IQSEC3: variants seen among roughly 807,000 people sequenced by gnomAD.
IQSEC3 encodes the protein IQ motif and Sec7 domain ArfGEF 3.
IQSEC3 carries 50 observed loss-of-function variants against 105.4 expected under a neutral mutation model. That is an observed-to-expected ratio of 0.47 (90% CI 0.38 to 0.60). IQSEC3 has a LOEUF of 0.60. Ranked by LOEUF, IQSEC3 falls within the 20% of genes least tolerant of loss-of-function variation. IQSEC3 has a pLI of 0.00. For synonymous variants in IQSEC3, 708 were observed against 746.0 expected (o/e 0.95, Z 0.83); for missense variants, 1,415 against 1,630.0 (o/e 0.87, Z 2.27).
chr12:120,460 T>G (rs781863112), intron 2 of IQSEC3, among the ~76,000 whole-genome samples: 4 of 152,132 alleles, frequency 2.6e-5, no homozygotes, highest in Non-Finnish European at 4.4e-5. Context: ...GTGGAGTCAC[T>G]GACGGGTTTG....
At chr12:102,543 A>G (rs989505819) in intron 2 of IQSEC3, among the ~76,000 whole-genome samples, 7 of 152,234 alleles carry the variant, frequency 4.6e-5, no homozygotes, top group African/African-American at 1.4e-4. Flanking sequence ...GATGCTGCTC[A>G]GCCCAGAGGA....
chr12:147,814 G>C (rs1177531283), intron 5 of IQSEC3: 3 of 152,206 alleles, frequency 2.0e-5, no homozygotes, highest in Admixed American at 6.5e-5. Context: ...GCACAGCTGA[G>C]AAACTGATTC....
chr12:93,818 G>C (rs1555074143), intron 1 of IQSEC3, among the ~76,000 whole-genome samples: 3 of 152,110 alleles, frequency 2.0e-5, no homozygotes, highest in African/African-American at 4.8e-5. Context: ...GGAGTTGGGG[G>C]TGAGTGACTT....
rs1555087482 is a variant in IQSEC3 at position 138,651 on chromosome 12, G to A, written c.1288G>A (p.Glu430Lys). The change falls in exon 4 of 14, where the codon GAG becomes AAG. Residue 430 changes from glutamate to lysine, a missense_variant. Glu to Lys is a moderately conservative substitution (Grantham distance 56). This residue lies in a region of IQSEC3 where 720 missense variants were observed against 633.0 expected (regional missense o/e 1.14). Coordinates refer to ENST00000538872, the MANE Select transcript of IQSEC3 (RefSeq NM_001170738.2). This position sits in a 1 kb window ranked among gnomAD's most constrained non-coding sequence, Gnocchi z 7.1. ...CCTCAAGACCATGTGCTCCCTGCGG[G>A]AGAGTGGCGCTTACCAGCTCCACCA... Reference protein sequence around the residue: ...WSLKTMCSLRESGAYQLHQAL... With the variant: ...WSLKTMCSLRKSGAYQLHQAL... The A allele has an allele frequency of 4.4e-6, 7 of 1,574,250 alleles. No homozygotes were observed. Among genetic ancestry groups the A allele is most frequent in the Admixed American group, 1.8e-5 (1 of 57,060 alleles).
intron 1 of IQSEC3, among the ~76,000 whole-genome samples, chr12:94,455 C>G (rs1864184343): frequency 6.6e-6 from 1 of 152,170 alleles, no homozygotes; most frequent in African/African-American, 2.4e-5. Context: ...TGAGCTAAAC[C>G]CTGAAAGAAG....
At chr12:136,938 AC>A (rs2136992453) in intron 3 of IQSEC3, among the ~76,000 whole-genome samples, 1 of 152,110 alleles carries the variant, frequency 6.6e-6, no homozygotes, top group East Asian at 1.9e-4. Context: ...AGAGGAGAAA[AC>A]CCACGGACAG....
chr12:73,565 G>C (rs1242412211), intron 1 of IQSEC3, among the ~76,000 whole-genome samples: 2 of 152,216 alleles, frequency 1.3e-5, no homozygotes, highest in Non-Finnish European at 2.9e-5. Context: ...AGCTACTCGG[G>C]AGGCTGAGGC....
intron 7 of IQSEC3, 39 bp from the exon 8 acceptor site, chr12:161,887 C>A (rs1555096343): frequency 1.3e-6 from 2 of 1,536,000 alleles, no homozygotes; most frequent in South Asian, 1.2e-5. Flanking sequence ...ACCCTCCCTC[C>A]CAACCCCACC....
At chr12:104,894 G>A (rs1169113062) in intron 2 of IQSEC3, among the ~76,000 whole-genome samples, 5 of 152,252 alleles carry the variant, frequency 3.3e-5, no homozygotes, top group Non-Finnish European at 7.3e-5. Context: ...CAGCGATTAC[G>A]GAGCAATTAA....
intron 3 of IQSEC3, among the ~76,000 whole-genome samples, chr12:132,756 A>T (rs185325229): frequency 2.6e-5 from 4 of 152,280 alleles, no homozygotes; most frequent in African/African-American, 9.6e-5. Context: ...AAACAGTGGC[A>T]TAGCCTAGAT....
intron 9 of IQSEC3, among the ~76,000 whole-genome samples, chr12:165,057 G>A (rs759253076): frequency 6.6e-5 from 10 of 152,234 alleles, no homozygotes; most frequent in Non-Finnish European, 1.3e-4. Context: ...AAAAGCTGCC[G>A]GGAGAGCTGT....
At chr12:133,877 G>T (rs1218600947) in intron 3 of IQSEC3, among the ~76,000 whole-genome samples, 1 of 151,436 alleles carries the variant, frequency 6.6e-6, no homozygotes, top group African/African-American at 2.4e-5. Context: ...AAGGGAACAG[G>T]CTAGGGCAGG....
chr12:77,459 A>C (rs1863579007), intron 1 of IQSEC3: 1 of 877,932 alleles, frequency 1.1e-6, no homozygotes, highest in African/African-American at 1.9e-5. Context: ...CACTCTACCC[A>C]GTCGCCGAGT....
intron 11 of IQSEC3, chr12:166,970 A>C (rs545201989): frequency 6.6e-6 from 1 of 152,292 alleles, no homozygotes; most frequent in East Asian, 1.9e-4. Flanking sequence ...TTGATTCTAT[A>C]CTTTCCACTG....
Position 141,008 on chromosome 12 carries a change from T to C in IQSEC3, c.1992-116T>C. On this transcript the variant is annotated intron_variant, in intron 4 of 13. Transcript: ENST00000538872. Reference sequence around the variant, plus strand: ...GAGGCTCTGGTGAGAGAAGCTTCAATGGGGAACTGGATTTCCAAGAACCTC... The same window carrying C: ...GAGGCTCTGGTGAGAGAAGCTTCAACGGGGAACTGGATTTCCAAGAACCTC... The C allele has an allele frequency of 2.8e-6, 3 of 1,063,940 alleles. 1 individual carries two copies. In the African/African-American group the frequency reaches 4.8e-5, roughly 17 times the overall value. 65.9% of individuals were successfully genotyped at this position (1,063,940 alleles called of 1,614,324 possible). A position where few individuals can be genotyped will look rare whatever the true frequency, so the allele number is the denominator to read the frequency against.
At position 147,129 on chromosome 12, in the gene IQSEC3, G is replaced by C. The variant is rs7960540; in HGVS notation, c.2153+5844G>C. On this transcript the variant is annotated intron_variant, in intron 5 of 13. Transcript: ENST00000538872. ...TCCTCCCCTGACTACTCAGGCCTTT[G>C]CTCTGGAGGAGTCAGTCTCCTCTGT... Among the ~76,000 whole-genome samples the C allele has an allele frequency of 7.3e-3, 1,110 of 152,316 alleles. 11 individuals carry two copies. The highest frequency in any genetic ancestry group is 0.026 in the African/African-American group (1,072 of 41,566).
intron 2 of IQSEC3, among the ~76,000 whole-genome samples, chr12:110,398 G>A (rs1864841248): frequency 6.6e-6 from 1 of 151,692 alleles, no homozygotes; most frequent in African/African-American, 2.4e-5. Context: ...CTGCAGAAAT[G>A]CGGAGGGAGT....
chr12:139,019 C>T lies in IQSEC3; in HGVS notation c.1656C>T (p.Asp552=). The T allele has an allele frequency of 6.6e-7, 1 of 1,511,154 alleles. No homozygotes were observed. The highest frequency in any genetic ancestry group is 1.3e-5 in the South Asian group (1 of 78,900). The allele number at this position is 1,511,154 out of a possible 1,614,324, so 93.6% of individuals were successfully genotyped here. Residue 552 remains aspartate, a synonymous_variant, in exon 4 of 14, where the codon GAC becomes GAT. Transcript: ENST00000538872. The part of the protein sequence containing the change: ...AVGREDASAE[D]SCAEAAASGA... ...GCCGGGAGGACGCGTCAGCCGAGGACTCATGCGCAGAGGCTGCGGCTAGTG... is the reference window on the plus strand; with the variant it reads ...GCCGGGAGGACGCGTCAGCCGAGGATTCATGCGCAGAGGCTGCGGCTAGTG...
chr12:92,686 C>A (rs1048144020), intron 1 of IQSEC3, among the ~76,000 whole-genome samples: 1 of 152,214 alleles, frequency 6.6e-6, no homozygotes, highest in African/African-American at 2.4e-5. Flanking sequence ...CTGCTGGGAC[C>A]CTGTCTCACT....
Sources: gnomAD v4.1 joint callset for allele counts (sites outside exome capture counted in the v4.1 genomes callset) on GRCh38, gnomAD v4.1.1 for gene constraint, gnomAD v4.1.1 regional missense constraint, Gnocchi (gnomAD v3.1) non-coding constraint, MANE v1.5 for transcripts, NCBI Gene and HGNC (gene_info 2026-07-23, HGNC 2026-07-21) for gene names.